Variants in SYT1 observed in about 807,000 individuals in gnomAD.
The protein encoded by SYT1 is synaptotagmin-1.
In SYT1, 8 loss-of-function variants were observed where a neutral mutation model predicts 44.8. That is an observed-to-expected ratio of 0.18 (90% confidence interval 0.10 to 0.32). The LOEUF (loss-of-function observed/expected upper bound fraction) is 0.32. SYT1 is among the 10% of genes least tolerant of loss of function. The pLI, the probability that SYT1 is intolerant of heterozygous loss-of-function variation, is 1.00. For missense variants in SYT1, 286 were observed against 509.3 expected (o/e 0.56, Z 4.22); for synonymous variants, 154 against 188.8 (o/e 0.82, Z 1.51).
At chr12:79,034,702 T>G (rs1335657957) in intron 2 of SYT1, among the ~76,000 whole-genome samples, 2 of 151,736 alleles carry the variant, frequency 1.3e-5, no homozygotes, top group Non-Finnish European at 3.0e-5. Context: ...AATAGGCATA[T>G]AGCCTCCTCC....
intron 1 of SYT1, among the ~76,000 whole-genome samples, chr12:78,937,336 A>G (rs1878117637): frequency 6.6e-6 from 1 of 152,120 alleles, no homozygotes; most frequent in Admixed American, 6.6e-5. Context: ...TCTGCTATCC[A>G]CTATTTATTT....
At chr12:79,229,361 T>A (rs953551436) in intron 4 of SYT1, among the ~76,000 whole-genome samples, 1 of 152,226 alleles carries the variant, frequency 6.6e-6, no homozygotes, top group African/African-American at 2.4e-5. Flanking sequence ...TTTTCAAACC[T>A]TTTTAGCCAA....
At chr12:79,225,564 T>C (rs905049439) in intron 4 of SYT1, among the ~76,000 whole-genome samples, 4 of 152,202 alleles carry the variant, frequency 2.6e-5, no homozygotes, top group African/African-American at 9.6e-5. Flanking sequence ...AATACATATA[T>C]TATGGGTGCA....
chr12:79,023,518 A>C (rs1872327248), intron 2 of SYT1, among the ~76,000 whole-genome samples: 1 of 151,854 alleles, frequency 6.6e-6, no homozygotes, highest in Admixed American at 6.6e-5. Flanking sequence ...CATTGAGAGC[A>C]ATCTGTGCTT....
intron 1 of SYT1, among the ~76,000 whole-genome samples, chr12:78,972,539 AT>A (rs149655038): frequency 0.31 from 45,449 of 148,864 alleles, 6,876 homozygotes; most frequent in African/African-American, 0.34. Flanking sequence ...CAAAAAAAAA[AT>A]ATATATATAT....
intron 4 of SYT1, among the ~76,000 whole-genome samples, chr12:79,260,220 A>C (rs1036347523): frequency 6.6e-6 from 1 of 152,184 alleles, no homozygotes; most frequent in African/African-American, 2.4e-5. Context: ...AATAATGCAG[A>C]CGGTCTTTAT....
At chr12:79,270,658 A>G (rs565341149) in intron 4 of SYT1, among the ~76,000 whole-genome samples, 1 of 152,346 alleles carries the variant, frequency 6.6e-6, no homozygotes, top group East Asian at 1.9e-4. Flanking sequence ...ACAATGAATT[A>G]TGCCGTAGAT....
chr12:79,136,127 T>C (rs948319062), intron 3 of SYT1, among the ~76,000 whole-genome samples: 56 of 152,322 alleles, frequency 3.7e-4, no homozygotes, highest in African/African-American at 1.3e-3. Context: ...ATTTAACATT[T>C]AGATAGAAAA....
chr12:79,314,093 C>T (rs1453129175), intron 8 of SYT1, among the ~76,000 whole-genome samples: 16 of 141,580 alleles, frequency 1.1e-4, no homozygotes, highest in African/African-American at 4.2e-4. Flanking sequence ...GGCGTGAACC[C>T]GGGAGGCGGA....
chr12:78,995,945 CAA>C (rs1302618856), intron 2 of SYT1: 1 of 152,140 alleles, frequency 6.6e-6, no homozygotes, highest in Non-Finnish European at 1.5e-5. Flanking sequence ...TGCTTAGAAA[CAA>C]AGATAGTTTT....
intron 1 of SYT1, among the ~76,000 whole-genome samples, chr12:78,970,713 T>C (rs1297320130): frequency 6.6e-6 from 1 of 152,156 alleles, no homozygotes; most frequent in Non-Finnish European, 1.5e-5. Flanking sequence ...ACACTATAAA[T>C]CAGGTTTGCA....
chr12:79,014,643 G>A (rs1349215630), intron 2 of SYT1, among the ~76,000 whole-genome samples: 1 of 152,172 alleles, frequency 6.6e-6, no homozygotes, highest in East Asian at 1.9e-4. Context: ...CCATGTGGAA[G>A]TCAGTGTGGC....
At chr12:79,168,682 T>C (rs1871345764) in intron 3 of SYT1, among the ~76,000 whole-genome samples, 1 of 152,050 alleles carries the variant, frequency 6.6e-6, no homozygotes, top group Non-Finnish European at 1.5e-5. Context: ...TTCTTGCTCT[T>C]GGACATAGTT....
intron 1 of SYT1, among the ~76,000 whole-genome samples, chr12:78,965,712 G>A (rs545015406): frequency 1.3e-5 from 2 of 152,068 alleles, no homozygotes; most frequent in African/African-American, 4.8e-5. Context: ...CGGTCTCCAG[G>A]CCCCATTACC....
At chr12:78,954,949 TAAC>T (rs1407569882) in intron 1 of SYT1, among the ~76,000 whole-genome samples, 2 of 152,144 alleles carry the variant, frequency 1.3e-5, no homozygotes, top group South Asian at 2.1e-4. Context: ...ATTTTAATGA[TAAC>T]AACAGTTTTC....
At chr12:79,426,755 T>C (rs1400113350) in intron 9 of SYT1, among the ~76,000 whole-genome samples, 2 of 152,322 alleles carry the variant, frequency 1.3e-5, no homozygotes, top group East Asian at 3.9e-4. Context: ...TTCTAATTAA[T>C]GTAAATATAT....
intron 3 of SYT1, among the ~76,000 whole-genome samples, chr12:79,150,264 A>G (rs1870188475): frequency 6.6e-6 from 1 of 152,204 alleles, no homozygotes; most frequent in African/African-American, 2.4e-5. Flanking sequence ...ATAGAATACT[A>G]TTCAGCCATT....
intron 3 of SYT1, among the ~76,000 whole-genome samples, chr12:79,072,248 G>A (rs1279973155): frequency 1.3e-5 from 2 of 152,042 alleles, no homozygotes; most frequent in African/African-American, 4.8e-5. Context: ...GAATAATCAT[G>A]GATATTGTGT....
intron 6 of SYT1, among the ~76,000 whole-genome samples, chr12:79,292,927 A>T (rs1879658996): frequency 6.6e-6 from 1 of 152,164 alleles, no homozygotes; most frequent in South Asian, 2.1e-4. Flanking sequence ...AACGTTGATG[A>T]AAATGTTCCT....
Sources: allele counts gnomAD v4.1 joint callset (sites outside exome capture counted in the v4.1 genomes callset), GRCh38; gene constraint gnomAD v4.1.1; transcripts MANE v1.5; gene names NCBI Gene and HGNC (gene_info 2026-07-23, HGNC 2026-07-21).